The following MAK variants were observed in gnomAD, a reference collection of about 807,000 sequenced individuals.
MAK encodes the protein serine/threonine-protein kinase MAK.
MAK carries 65 observed loss-of-function variants against 82.6 expected under a neutral mutation model. That is an observed-to-expected ratio of 0.79 (90% CI 0.64 to 0.97). The LOEUF (loss-of-function observed/expected upper bound fraction) is 0.97, where lower values mean the gene tolerates loss of function less well. MAK is among the 50% of genes least tolerant of loss of function. MAK has a pLI of 0.00. For synonymous variants in MAK, 250 were observed against 274.2 expected (o/e 0.91, Z 0.87); for missense variants, 703 against 780.2 (o/e 0.90, Z 1.18).
intron 5 of MAK, among the ~76,000 whole-genome samples, chr6:10,809,498 G>T (rs79490551): frequency 0.06 from 9,108 of 152,046 alleles, 856 homozygotes; most frequent in African/African-American, 0.21. Flanking sequence ...CCTAATTTTT[G>T]GTATTTTTGA....
chr6:10,801,009 T>A (rs496996), intron 8 of MAK, among the ~76,000 whole-genome samples: 1 of 151,650 alleles, frequency 6.6e-6, no homozygotes, highest in Non-Finnish European at 1.5e-5. Flanking sequence ...CTGACTCATA[T>A]GTTCTGCAAC....
rs187228780 is a variant in MAK, at chr6:10,773,852, T to C, written c.1598-744A>G. On this transcript the variant is annotated intron_variant, in intron 12 of 14. Transcript: ENST00000354489. The stretch of plus-strand genomic sequence containing the variant: ...ATTTATAGGCGCATGCCACCATGCC[T>C]GGATTTTTTTTTGTGTGTGTGTATT... Among the ~76,000 whole-genome samples the C allele has an allele frequency of 3.3e-3, 505 of 152,040 alleles. 2 individuals are homozygous for C. The highest frequency in any genetic ancestry group is 0.011 in the African/African-American group (456 of 41,474).
rs1561971255 is a variant in MAK, at chr6:10,802,002, A to C, written c.721T>G (p.Cys241Gly). Residue 241 changes from cysteine to glycine, a missense_variant, in exon 8 of 15, where the codon TGT becomes GGT. By Grantham distance (159) the Cys-to-Gly change is radical. Transcript: ENST00000354489. Reference sequence around the variant, plus strand: ...AGAGTTTTTAAGTTTATAGGAACACACTGGGGAAAACGGAAGTTCATAGAG... The same window carrying C: ...AGAGTTTTTAAGTTTATAGGAACACCCTGGGGAAAACGGAAGTTCATAGAG... ...ASSMNFRFPQ[C>G]VPINLKTLIP... 3 of 1,614,150 alleles carry C rather than the reference A, an allele frequency of 1.9e-6. No individual in the cohort carries two copies. The South Asian group carries it at 3.3e-5, about 18-fold the overall frequency.
rs111859354 is a variant in MAK at position 10,810,345 on chromosome 6, C to CTT, written c.359-1405_359-1404dup. 6.7e-4 allele frequency among the ~76,000 whole-genome samples: 82 copies of CTT among 121,678 alleles called. 1 individual carries two copies. The highest frequency in any genetic ancestry group is 8.9e-3 in the Middle Eastern group (2 of 224). The allele number at this position is 121,678 out of a possible 152,430, so 79.8% of individuals were successfully genotyped here. A position where few individuals can be genotyped will look rare whatever the true frequency, so the allele number is the denominator to read the frequency against. ...TGGGAAGACTTTCTTTTATCTTTTT[C>CTT]TTTTTTTTTTTTTTTTTTTGTTTTG... On this transcript the variant is annotated intron_variant, in intron 5 of 14. Coordinates refer to ENST00000354489, the MANE Select transcript of MAK (RefSeq NM_001242957.3).
chr6:10,765,471 T>TTTTTTTTTA (rs1561923828), intron 14 of MAK, among the ~76,000 whole-genome samples: 3 of 115,068 alleles, frequency 2.6e-5, no homozygotes, highest in African/African-American at 6.7e-5. Flanking sequence ...TTTTTTTTTT[T>TTTTTTTTTA]TTAATGAGGC....
rs1562004951 is a variant in MAK at position 10,827,019 on chromosome 6, A to G, written c.101+3529T>C. 3.9e-5 allele frequency among the ~76,000 whole-genome samples: 6 copies of G among 152,104 alleles called. No homozygotes were observed. The South Asian group carries it at 1.2e-3, about 31-fold the overall frequency. On this transcript the variant is annotated intron_variant, in intron 2 of 14. Transcript: ENST00000354489. ...CCAGCTACTCGGGAGGCTGAAGCAG[A>G]AGAATCGCTTGAACCCAGGAGGCAG...
At chr6:10,789,251 C>T (rs1581683474) in intron 10 of MAK, among the ~76,000 whole-genome samples, 1 of 152,040 alleles carries the variant, frequency 6.6e-6, no homozygotes, top group East Asian at 1.9e-4. Context: ...CTATACCATG[C>T]CAAAGAGCTC....
intron 2 of MAK, 43 bp from the exon 3 acceptor site, chr6:10,818,983 T>C (rs1777714679): frequency 2.7e-6 from 3 of 1,094,842 alleles, no homozygotes; most frequent in Non-Finnish European, 4.2e-6. Context: ...GGATTGAGGA[T>C]TCAAAGACAC....
intron 2 of MAK, among the ~76,000 whole-genome samples, chr6:10,827,418 A>T (rs974336378): frequency 6.6e-6 from 1 of 152,104 alleles, no homozygotes; most frequent in Non-Finnish European, 1.5e-5. Context: ...AATGTGGGCT[A>T]TTTCAGCTCA....
In MAK at chr6:10,764,529, T is replaced by C. The variant is rs1340734588; in HGVS notation, c.1870A>G (p.Ile624Val). ...TYNPTAKNLN[I>V]VNRAQPIPSV... ...GGAATGGGCTGTGCACGGTTCACAA[T>C]ATTTAGGTTTTTTGCTGTAGGATTA... is the stretch of plus-strand genomic sequence containing the variant. Residue 624 changes from isoleucine (I) to valine (V), a missense_variant, in exon 15 of 15, where the codon ATT (isoleucine) becomes GTT (valine). Ile to Val is a conservative substitution (Grantham distance 29). Coordinates refer to ENST00000354489, the MANE Select transcript of MAK (RefSeq NM_001242957.3). 6.2e-6 allele frequency: 10 copies of C among 1,614,096 alleles called. No individual in the cohort carries two copies. Among genetic ancestry groups the C allele is most frequent in the Non-Finnish European group, 8.5e-6 (10 of 1,179,974 alleles).
rs1287397494 is a variant in MAK, at chr6:10,763,663, C to G, written c.*789G>C. ...AGTTTGAGACCAGCCTGAGCCTGAC[C>G]AACATGGTGAAACCCTGTCTCTACT... is the stretch of plus-strand genomic sequence containing the variant. On this transcript the variant is annotated 3_prime_UTR_variant, in exon 15 of 15. Coordinates refer to ENST00000354489, the MANE Select transcript of MAK (RefSeq NM_001242957.3). 1 of 151,650 alleles carries G rather than the reference C, an allele frequency of 6.6e-6. No individual in the cohort carries two copies. The highest frequency in any genetic ancestry group is 1.5e-5 in the Non-Finnish European group (1 of 68,050). 9.4% of individuals were successfully genotyped at this position (151,650 alleles called of 1,614,324 possible). A position where few individuals can be genotyped will look rare whatever the true frequency, so the allele number is the denominator to read the frequency against.
intron 3 of MAK, 67 bp from the exon 4 acceptor site, chr6:10,818,038 C>T (rs903821689): frequency 2.6e-5 from 24 of 906,328 alleles, no homozygotes; most frequent in Non-Finnish European, 3.8e-5. Flanking sequence ...AAAATTGCAT[C>T]AATGCTAAGT....
chr6:10,797,301 C>T (rs1775646288), intron 8 of MAK, among the ~76,000 whole-genome samples: 1 of 152,018 alleles, frequency 6.6e-6, no homozygotes, highest in African/African-American at 2.4e-5. Flanking sequence ...GGGAAAGGAC[C>T]CCCTGGTGTA....
chr6:10,820,941 TTC>T (rs1777896210), intron 2 of MAK, among the ~76,000 whole-genome samples: 3 of 152,048 alleles, frequency 2.0e-5, no homozygotes, highest in Non-Finnish European at 2.9e-5. Flanking sequence ...TCTGCTATGA[TTC>T]TTTTTATTTA....
chr6:10,765,440 A>ATTTTTTTTTTTTTTTTTTT (rs200536068), intron 14 of MAK, among the ~76,000 whole-genome samples: 1 of 130,642 alleles, frequency 7.7e-6, no homozygotes, highest in African/African-American at 3.3e-5. Flanking sequence ...TAGAATGAAG[A>ATTTTTTTTTTTTTTTTTTT]TTTTTTTTTT....
intron 9 of MAK, among the ~76,000 whole-genome samples, chr6:10,794,149 T>C (rs924544961): frequency 1.3e-5 from 2 of 152,186 alleles, no homozygotes; most frequent in South Asian, 4.1e-4. Context: ...TTAGCCTTCA[T>C]TAAAAGCTAG....
intron 10 of MAK, among the ~76,000 whole-genome samples, chr6:10,788,606 G>A (rs894297201): frequency 2.6e-5 from 4 of 151,964 alleles, no homozygotes; most frequent in African/African-American, 7.3e-5. Flanking sequence ...GGTGGCACAC[G>A]CCTGTAACAA....
At chr6:10,775,522 T>C (rs889810266) in intron 11 of MAK, 63 bp from the exon 12 acceptor site, 34 of 1,557,926 alleles carry the variant, frequency 2.2e-5, no homozygotes, top group Admixed American at 1.0e-4. Flanking sequence ...AGGAAACTTA[T>C]GTAATACATT....
At chr6:10,827,025 C>A (rs547377349) in intron 2 of MAK, among the ~76,000 whole-genome samples, 2 of 152,220 alleles carry the variant, frequency 1.3e-5, no homozygotes, top group East Asian at 3.9e-4. Context: ...GCAGAAGAAT[C>A]GCTTGAACCC....
Sources: gnomAD v4.1 joint callset for allele counts (sites outside exome capture counted in the v4.1 genomes callset) on GRCh38, gnomAD v4.1.1 for gene constraint, MANE v1.5 for transcripts, NCBI Gene and HGNC (gene_info 2026-07-23, HGNC 2026-07-21) for gene names.